Variants in PRKAR1A observed in about 807,000 individuals in gnomAD.
PRKAR1A encodes the protein protein kinase cAMP-dependent type I regulatory subunit alpha.
In PRKAR1A, 3 loss-of-function variants were observed where a neutral mutation model predicts 52.0. That is an observed-to-expected ratio of 0.06 (90% CI 0.03 to 0.15). The LOEUF (loss-of-function observed/expected upper bound fraction) is 0.15. Among genes scored for constraint, PRKAR1A ranks in the 10% least tolerant of loss-of-function variants. The probability of loss-of-function intolerance (pLI) is 1.00; values close to 1 mark genes in which losing one functional copy is unlikely to be tolerated. For missense variants in PRKAR1A, 240 were observed against 477.4 expected, an observed-to-expected ratio of 0.50 and a Z score of 4.63; for synonymous variants, 188 against 168.4, an observed-to-expected ratio of 1.12 and a Z score of -0.90.
chr17:68,513,211 C>T (rs765439883), intron 1 of PRKAR1A: 1 of 152,306 alleles, frequency 6.6e-6, no homozygotes. Context: ...ATTTTGTGGT[C>T]ATGACCGTGG....
At chr17:68,549,037 G>A (rs2086710209) in intron 11 of PRKAR1A, among the ~76,000 whole-genome samples, 2 of 152,098 alleles carry the variant, frequency 1.3e-5, no homozygotes, top group African/African-American at 4.8e-5. Context: ...CAGCCTGCCT[G>A]TATTTGTTTT....
the PRKAR1A span, among the ~76,000 whole-genome samples, chr17:68,435,206 C>CAAA: frequency 1.9e-3 from 262 of 139,194 alleles, 1 homozygote; most frequent in African/African-American, 6.6e-3. Context: ...GACTCCACCT[C>CAAA]AAAAAAAAAA....
the PRKAR1A span, chr17:68,436,522 G>T: frequency 6.3e-7 from 1 of 1,582,336 alleles, no homozygotes; most frequent in Non-Finnish European, 8.7e-7. Context: ...GGGGCCAAGG[G>T]AGAGATTGCA....
chr17:68,424,972 A>G, the PRKAR1A span, among the ~76,000 whole-genome samples: 1 of 152,224 alleles, frequency 6.6e-6, no homozygotes. Flanking sequence ...AGCGGTCTAT[A>G]TGTTACTCCA....
chr17:68,539,298 C>G, intron 11 of PRKAR1A: 1 of 1,609,358 alleles, frequency 6.2e-7, no homozygotes, highest in African/African-American at 1.3e-5. Context: ...AGGGTCACAA[C>G]TGTTACTTGC....
the PRKAR1A span, among the ~76,000 whole-genome samples, chr17:68,489,206 A>G: frequency 9.9e-5 from 4 of 40,264 alleles, no homozygotes; most frequent in African/African-American, 3.0e-4. Context: ...ATATATATAT[A>G]TATATATATA....
At chr17:68,433,777 T>TTTTG in the PRKAR1A span, among the ~76,000 whole-genome samples, 41 of 63,656 alleles carry the variant, frequency 6.4e-4, no homozygotes, top group African/African-American at 1.9e-3. Flanking sequence ...TTTTTTTTTT[T>TTTTG]TTTTTTTTTT....
the PRKAR1A span, among the ~76,000 whole-genome samples, chr17:68,478,724 G>A: frequency 1.5e-4 from 19 of 127,250 alleles, 1 homozygote; most frequent in South Asian, 2.5e-3. Context: ...GTATATGTTG[G>A]ACAGTTTTGT....
chr17:68,481,315 A>G, the PRKAR1A span, among the ~76,000 whole-genome samples: 526 of 152,364 alleles, frequency 3.5e-3, 4 homozygotes, highest in Admixed American at 0.02. Context: ...TTTATTGGGC[A>G]CTTTATTTCT....
At chr17:68,425,381 T>C in the PRKAR1A span, among the ~76,000 whole-genome samples, 1 of 96,824 alleles carries the variant, frequency 1.0e-5, no homozygotes, top group African/African-American at 5.3e-5. Context: ...TTTTTTCTTT[T>C]CTTTTTTTTT....
the PRKAR1A span, among the ~76,000 whole-genome samples, chr17:68,505,823 C>T: frequency 5.3e-5 from 8 of 152,148 alleles, no homozygotes; most frequent in African/African-American, 1.9e-4. Context: ...CTGTTTCACA[C>T]ACACAGAAGT....
chr17:68,491,035 C>T, the PRKAR1A span, among the ~76,000 whole-genome samples: 22 of 152,048 alleles, frequency 1.4e-4, no homozygotes, highest in African/African-American at 4.8e-4. Flanking sequence ...AGCCTGTATC[C>T]TTGTCTCCAA....
intron 2 of PRKAR1A, among the ~76,000 whole-genome samples, chr17:68,518,351 C>T (rs777070986): frequency 1.3e-5 from 2 of 152,238 alleles, no homozygotes; most frequent in Non-Finnish European, 2.9e-5. Flanking sequence ...GGGCCACGCC[C>T]CTGCAGCAAA....
intron 1 of PRKAR1A, among the ~76,000 whole-genome samples, 182 bp downstream of exon 1, chr17:68,512,730 G>A (rs2085298966): frequency 6.6e-6 from 1 of 151,904 alleles, no homozygotes; most frequent in Non-Finnish European, 1.5e-5. Context: ...CCGGCTCCGA[G>A]TCTGCATCCT....
At chr17:68,481,189 G>A in the PRKAR1A span, among the ~76,000 whole-genome samples, 25 of 152,110 alleles carry the variant, frequency 1.6e-4, no homozygotes, top group South Asian at 6.2e-4. Context: ...GCTTAGTTAC[G>A]CATTAAAACC....
intron 11 of PRKAR1A, chr17:68,541,924 C>A (rs1481278691): frequency 8.4e-6 from 13 of 1,547,780 alleles, no homozygotes; most frequent in South Asian, 1.2e-5. Flanking sequence ...CAACAAGTCC[C>A]TGGTACAGGG....
intron 11 of PRKAR1A, among the ~76,000 whole-genome samples, chr17:68,547,916 C>T (rs2086642665): frequency 6.6e-6 from 1 of 152,234 alleles, no homozygotes; most frequent in Non-Finnish European, 1.5e-5. Flanking sequence ...CCTTACTAGC[C>T]TCCTGAATAA....
the PRKAR1A span, chr17:68,429,932 G>A: frequency 6.2e-7 from 1 of 1,602,100 alleles, no homozygotes; most frequent in Non-Finnish European, 8.5e-7. Context: ...GGGGATTTTT[G>A]TGCTTTGGAA....
In PRKAR1A at chr17:68,531,792, C is replaced by G. The variant is rs1020705735; in HGVS notation, c.*1343C>G. On this transcript the variant is annotated 3_prime_UTR_variant, in exon 11 of 11. Coordinates refer to ENST00000589228, the MANE Select transcript of PRKAR1A (RefSeq NM_002734.5). ...TTCCAGCCTTATGTGTTACATTATT[C>G]CAATGATACCCAACAGTTTATTTTT... is the stretch of plus-strand genomic sequence containing the variant. 3 of 1,031,312 alleles carry G rather than the reference C, an allele frequency of 2.9e-6. No individual in the cohort carries two copies. The highest frequency in any genetic ancestry group is 3.5e-6 in the Non-Finnish European group (3 of 848,100). The allele number at this position is 1,031,312 out of a possible 1,614,324, so 63.9% of individuals were successfully genotyped here. A position where few individuals can be genotyped will look rare whatever the true frequency, so the allele number is the denominator to read the frequency against.
Sources: allele counts gnomAD v4.1 joint callset (sites outside exome capture counted in the v4.1 genomes callset), GRCh38; gene constraint gnomAD v4.1.1; transcripts MANE v1.5; gene names NCBI Gene and HGNC (gene_info 2026-07-23, HGNC 2026-07-21).